The following AIFM2 variants were observed in gnomAD, a reference collection of about 807,000 sequenced individuals.
AIFM2 encodes the protein ferroptosis suppressor protein 1.
In AIFM2, 38 loss-of-function variants were observed where a neutral mutation model predicts 35.7. The observed-to-expected ratio is 1.06, with a 90% CI of 0.82 to 1.39. AIFM2 has a LOEUF of 1.39. Among genes scored for constraint, AIFM2 ranks in the 40% most tolerant of loss-of-function variants. AIFM2 has a pLI of 0.00. For missense variants in AIFM2, 476 were observed against 491.2 expected, an observed-to-expected ratio of 0.97 and a Z score of 0.29; for synonymous variants, 185 against 203.5, an observed-to-expected ratio of 0.91 and a Z score of 0.77.
chr10:70,128,275 C>A (rs1322152451), intron 1 of AIFM2, among the ~76,000 whole-genome samples: 1 of 152,212 alleles, frequency 6.6e-6, no homozygotes, highest in African/African-American at 2.4e-5. Context: ...AAACTGCCAC[C>A]AATGAGAGGC....
intron 4 of AIFM2, 83 bp downstream of exon 4, chr10:70,121,009 G>A (rs568080050): frequency 8.4e-6 from 13 of 1,539,008 alleles, no homozygotes; most frequent in East Asian, 2.3e-5. Context: ...TAACCCCGTG[G>A]CCTCCCAGCT....
intron 5 of AIFM2, among the ~76,000 whole-genome samples, chr10:70,120,142 A>G (rs541513811): frequency 6.6e-6 from 1 of 152,394 alleles, no homozygotes; most frequent in African/African-American, 2.4e-5. Context: ...ACTGGTTGCC[A>G]GCAAGAGGTA....
At chr10:70,119,647 A>AT (rs2072476103) in intron 5 of AIFM2, among the ~76,000 whole-genome samples, 1 of 152,176 alleles carries the variant, frequency 6.6e-6, no homozygotes, top group African/African-American at 2.4e-5. Context: ...ATTTCCAACA[A>AT]TTTGTCAGAG....
intron 1 of AIFM2, among the ~76,000 whole-genome samples, chr10:70,126,407 T>C (rs1328614321): frequency 6.6e-6 from 1 of 152,142 alleles, no homozygotes; most frequent in African/African-American, 2.4e-5. Flanking sequence ...GAGGTCAACC[T>C]TGAAGGATAG....
intron 1 of AIFM2, among the ~76,000 whole-genome samples, chr10:70,124,377 T>C (rs1233818308): frequency 6.6e-6 from 1 of 152,246 alleles, no homozygotes; most frequent in Non-Finnish European, 1.5e-5. Context: ...TTTATGCAAC[T>C]ATAATCACGA....
At chr10:70,114,646 G>T in intron 8 of AIFM2, 1 of 509,464 alleles carries the variant, frequency 2.0e-6, no homozygotes, top group Non-Finnish European at 3.5e-6. Flanking sequence ...GGCTAATTTT[G>T]TATTTTTAGT....
intron 2 of AIFM2, 91 bp from the exon 3 acceptor site, chr10:70,123,611 C>T (rs1347656379): frequency 8.4e-7 from 1 of 1,193,124 alleles, no homozygotes; most frequent in African/African-American, 1.5e-5. Flanking sequence ...AGCTGCAAAC[C>T]AACAGGGGTG....
chr10:70,114,904 ATGGGGCCTCTC>A lies in AIFM2; in HGVS notation c.970+5_970+15del. On this transcript the variant is annotated splice_donor_5th_base_variant and intron_variant, in intron 8 of 8. Transcript: ENST00000307864. ...AAACTCTATTAAAACTGCAAAGCACATGGGGCCTCTCTTACCCGGCTTGTAGGCCTGGAGAG... is the reference window on the plus strand; with the variant it reads ...AAACTCTATTAAAACTGCAAAGCACATTACCCGGCTTGTAGGCCTGGAGAG... The A allele has an allele frequency of 6.2e-7, 1 of 1,613,360 alleles. No homozygotes were observed. The highest frequency in any genetic ancestry group is 1.3e-5 in the African/African-American group (1 of 75,050).
chr10:70,126,393 C>T (rs918165697), intron 1 of AIFM2, among the ~76,000 whole-genome samples: 4 of 152,216 alleles, frequency 2.6e-5, no homozygotes, highest in Non-Finnish European at 5.9e-5. Context: ...AGGAAGTAGA[C>T]TCTGAGGTCA....
At chr10:70,120,705 A>G in intron 4 of AIFM2, 106 bp from the exon 5 acceptor site, 1 of 1,247,450 alleles carries the variant, frequency 8.0e-7, no homozygotes, top group Non-Finnish European at 1.2e-6. Flanking sequence ...AAAGGAGGGC[A>G]GAGAACCCTT....
intron 3 of AIFM2, 91 bp downstream of exon 3, chr10:70,123,314 C>T: frequency 6.1e-6 from 7 of 1,147,212 alleles, no homozygotes; most frequent in Non-Finnish European, 7.5e-6. Context: ...CCACCGCCCC[C>T]AGCCTAGCTC....
intron 2 of AIFM2, 104 bp downstream of exon 2, chr10:70,123,803 C>T (rs987218156): frequency 8.1e-7 from 1 of 1,233,612 alleles, no homozygotes. Flanking sequence ...GGAATGCAGG[C>T]ACTTGGCCCT....
At chr10:70,126,908 T>C (rs1395240583) in intron 1 of AIFM2, among the ~76,000 whole-genome samples, 1 of 113,414 alleles carries the variant, frequency 8.8e-6, no homozygotes, top group Non-Finnish European at 1.8e-5. Context: ...TCGTAGAGAT[T>C]AGGACCCAAG....
rs946457555 is a variant in AIFM2 at position 70,112,750 on chromosome 10, G to A, written c.*1428C>T. On this transcript the variant is annotated 3_prime_UTR_variant, in exon 9 of 9. Coordinates refer to ENST00000307864, the MANE Select transcript of AIFM2 (RefSeq NM_032797.6). The stretch of plus-strand genomic sequence containing the variant: ...ACTTCTGCTATGCAGATTTAACCCA[G>A]GCAGTCCAAGAGGGGCTCCTCTGGA... 1 of 152,270 alleles carries A rather than the reference G, an allele frequency of 6.6e-6. No individual in the cohort carries two copies. The highest frequency in any genetic ancestry group is 1.5e-5 in the Non-Finnish European group (1 of 68,084). The allele number at this position is 152,270 out of a possible 1,614,324, so 9.4% of individuals were successfully genotyped here.
At position 70,124,017 on chromosome 10, in the gene AIFM2, C is replaced by T; in HGVS notation, c.68G>A (p.Gly23Glu). The T allele has an allele frequency of 7.4e-6, 12 of 1,612,498 alleles. No individual in the cohort carries two copies. Among genetic ancestry groups the T allele is most frequent in the Non-Finnish European group, 9.3e-6 (11 of 1,179,202 alleles). ...CTGCAGCTGGCTGGCTGCTGCGATC[C>T]CGCCAAAGCCCCCACCCACAATCAC... ...HVVIVGGGFG[G>E]IAAASQLQAL... Residue 23 changes from glycine (G) to glutamate (E), a missense_variant, in exon 2 of 9, where the codon GGG (glycine) becomes GAG (glutamate). Gly to Glu is a moderately conservative substitution (Grantham distance 98). Transcript: ENST00000307864.
chr10:70,115,244 C>T, intron 7 of AIFM2, 124 bp from the exon 8 acceptor site: 3 of 982,920 alleles, frequency 3.1e-6, no homozygotes, highest in Non-Finnish European at 4.6e-6. Context: ...CCTCCTGAGG[C>T]ATGACCACCC....
chr10:70,128,490 C>G (rs889386413), intron 1 of AIFM2, among the ~76,000 whole-genome samples: 1 of 152,226 alleles, frequency 6.6e-6, no homozygotes, highest in Admixed American at 6.5e-5. Context: ...TCCCAGGTAG[C>G]TGGAACTACA....
chr10:70,132,390 G>T (rs1163477672), intron 1 of AIFM2, among the ~76,000 whole-genome samples: 1 of 152,226 alleles, frequency 6.6e-6, no homozygotes, highest in Admixed American at 6.5e-5. Flanking sequence ...CAAGATCCGG[G>T]TTACACCCGC....
Position 70,123,432 on chromosome 10 carries a change from G to A in AIFM2, c.267C>T (p.Asn89=). 1.2e-6 allele frequency: 2 copies of A among 1,614,144 alleles called. No homozygotes were observed. The highest frequency in any genetic ancestry group is 1.7e-6 in the Non-Finnish European group (2 of 1,179,992). Reference sequence around the variant, plus strand: ...CGCCACCCTGCAGCAGCACCATCTGGTTCTTCAGGTCTATCCCCACTACTA... The same window carrying A: ...CGCCACCCTGCAGCAGCACCATCTGATTCTTCAGGTCTATCCCCACTACTA... The part of the protein sequence containing the change: ...QGLVVGIDLK[N]QMVLLQGGEA... Residue 89 remains asparagine, a synonymous_variant, in exon 3 of 9, where the codon AAC becomes AAT. Transcript: ENST00000307864.
Sources: allele counts gnomAD v4.1 joint callset (sites outside exome capture counted in the v4.1 genomes callset), GRCh38; gene constraint gnomAD v4.1.1; transcripts MANE v1.5; gene names NCBI Gene and HGNC (gene_info 2026-07-23, HGNC 2026-07-21).